The following CNBD1 variants were observed in gnomAD, a reference collection of about 807,000 sequenced individuals.
CNBD1 encodes the protein cyclic nucleotide binding domain containing 1.
CNBD1 carries 71 observed loss-of-function variants against 54.4 expected under a neutral mutation model. The ratio of observed to expected loss-of-function variants is 1.30; its 90% CI spans 1.08 to 1.59. CNBD1 has a LOEUF of 1.59. Ranked by LOEUF, CNBD1 falls within the 40% of genes most tolerant of loss-of-function variation. The probability of loss-of-function intolerance (pLI) is 0.00; values close to 1 mark genes in which losing one functional copy is unlikely to be tolerated. For missense variants in CNBD1, 659 were observed against 518.0 expected (o/e 1.27, Z -2.64); for synonymous variants, 182 against 170.7 (o/e 1.07, Z -0.51).
At chr8:87,361,696 A>T (rs1810526994) in intron 10 of CNBD1, among the ~76,000 whole-genome samples, 1 of 150,274 alleles carries the variant, frequency 6.7e-6, no homozygotes, top group Non-Finnish European at 1.5e-5. Flanking sequence ...ATGAATATAT[A>T]TATATATATA....
intron 4 of CNBD1, among the ~76,000 whole-genome samples, chr8:87,127,662 G>A (rs529280261): frequency 6.6e-6 from 1 of 152,078 alleles, no homozygotes; most frequent in East Asian, 1.9e-4. Context: ...TTATGTCTTA[G>A]CTAGAACCTC....
intron 8 of CNBD1, among the ~76,000 whole-genome samples, chr8:87,332,475 A>G (rs7840020): frequency 0.17 from 25,141 of 152,042 alleles, 2,935 homozygotes; most frequent in African/African-American, 0.34. Context: ...CCTGAATGGT[A>G]TTGCCTAGGT....
At chr8:87,180,818 T>A (rs1813296726) in intron 4 of CNBD1, among the ~76,000 whole-genome samples, 1 of 152,164 alleles carries the variant, frequency 6.6e-6, no homozygotes, top group South Asian at 2.1e-4. Flanking sequence ...GGGAAGGAAG[T>A]TAGGATATAA....
At chr8:87,426,225 C>T (rs1215275236) in intron 2 of CNBD1, among the ~76,000 whole-genome samples, 3 of 152,206 alleles carry the variant, frequency 2.0e-5, no homozygotes, top group African/African-American at 7.2e-5. Context: ...GTCTGGCACT[C>T]CCTAGTGAGA....
chr8:86,916,735 AC>A (rs1459861403), intron 3 of CNBD1, among the ~76,000 whole-genome samples: 1 of 150,946 alleles, frequency 6.6e-6, no homozygotes, highest in East Asian at 1.9e-4. Flanking sequence ...ATAGAATCTC[AC>A]TCTGTCACCC....
chr8:87,329,137 A>T (rs532899517), intron 8 of CNBD1, among the ~76,000 whole-genome samples: 2 of 151,932 alleles, frequency 1.3e-5, no homozygotes, highest in Non-Finnish European at 2.9e-5. Context: ...GCTCTTTTGC[A>T]TGTGGATGTG....
intron 5 of CNBD1, among the ~76,000 whole-genome samples, chr8:87,226,766 C>T (rs541289945): frequency 1.3e-5 from 2 of 151,712 alleles, no homozygotes; most frequent in South Asian, 2.1e-4. Flanking sequence ...CCGCTTGGTG[C>T]AGAGCTGAGT....
At chr8:87,026,315 T>A (rs1049085900) in intron 4 of CNBD1, among the ~76,000 whole-genome samples, 3 of 151,918 alleles carry the variant, frequency 2.0e-5, no homozygotes, top group Non-Finnish European at 4.4e-5. Context: ...TCCTCCCTGC[T>A]CCTTTCTTCC....
In CNBD1 at chr8:87,382,552, T is replaced by C. The variant is rs1167590809; in HGVS notation, c.1304-68T>C. 3.1e-6 allele frequency: 4 copies of C among 1,300,476 alleles called. No homozygotes were observed. In the East Asian group the frequency reaches 1.0e-4, roughly 33 times the overall value. 80.6% of individuals were successfully genotyped at this position (1,300,476 alleles called of 1,614,324 possible). On this transcript the variant is annotated intron_variant, in intron 10 of 10. Transcript: ENST00000518476. ...AATGTAATTTTAGGGTTCTATTCTG[T>C]AGGAAAATAATTACCAAAAATGAGT...
intron 4 of CNBD1, among the ~76,000 whole-genome samples, chr8:87,173,938 T>C (rs933175687): frequency 2.0e-5 from 3 of 151,564 alleles, no homozygotes; most frequent in African/African-American, 7.3e-5. Context: ...GTAGGCATGC[T>C]TGTTTCTTTT....
intron 2 of CNBD1, among the ~76,000 whole-genome samples, chr8:87,404,076 C>T (rs1807613041): frequency 6.6e-6 from 1 of 151,946 alleles, no homozygotes; most frequent in Non-Finnish European, 1.5e-5. Flanking sequence ...AGAGAACTAT[C>T]TGATGAAAGG....
At position 87,376,377 on chromosome 8, in the gene CNBD1, G is replaced by C. The variant is rs189738164; in HGVS notation, c.1304-6243G>C. Among the ~76,000 whole-genome samples the C allele has an allele frequency of 7.9e-5, 12 of 151,878 alleles. No homozygotes were observed. In the Admixed American group the frequency reaches 7.9e-4, roughly 10 times the overall value. ...AAGGGTACTAATTCCTAAGGGCTCGGCCCTCAGCACCTAATTACTTGCCAG... is the reference window on the plus strand; with the variant it reads ...AAGGGTACTAATTCCTAAGGGCTCGCCCCTCAGCACCTAATTACTTGCCAG... On this transcript the variant is annotated intron_variant, in intron 10 of 10. Coordinates refer to ENST00000518476, the MANE Select transcript of CNBD1 (RefSeq NM_173538.3).
In CNBD1 at chr8:87,014,355, T is replaced by C. The variant is rs1303155798; in HGVS notation, c.431+74601T>C. On this transcript the variant is annotated intron_variant, in intron 4 of 10. Transcript: ENST00000518476. ...ACTATAAGATTTGCCATAAGAGTTA[T>C]AAACGATAAAACCCAGCCCAAGACA... Among the ~76,000 whole-genome samples the C allele has an allele frequency of 5.9e-5, 9 of 151,946 alleles. No homozygotes were observed. The South Asian group carries it at 1.2e-3, about 21-fold the overall frequency.
intron 8 of CNBD1, among the ~76,000 whole-genome samples, chr8:87,322,692 T>G (rs1234957522): frequency 2.8e-5 from 2 of 70,972 alleles, no homozygotes; most frequent in Non-Finnish European, 5.9e-5. Context: ...TCATTGTAGA[T>G]TCTGGATATT....
chr8:87,045,105 G>A (rs752826368), intron 4 of CNBD1, among the ~76,000 whole-genome samples: 2 of 152,100 alleles, frequency 1.3e-5, no homozygotes, highest in Non-Finnish European at 2.9e-5. Flanking sequence ...CACCAGCTAG[G>A]GTTTCTTCTG....
intron 2 of CNBD1, among the ~76,000 whole-genome samples, chr8:87,420,794 CGTT>C (rs1276592192): frequency 6.8e-6 from 1 of 147,640 alleles, no homozygotes; most frequent in Non-Finnish European, 1.5e-5. Flanking sequence ...TTTTGACAGT[CGTT>C]GGTATATTTA....
At chr8:86,891,294 T>A (rs76299207) in intron 2 of CNBD1, among the ~76,000 whole-genome samples, 1,541 of 152,218 alleles carry the variant, frequency 0.01, 27 homozygotes, top group African/African-American at 0.034. Flanking sequence ...CTAATTTCAT[T>A]CTTCTGCTGT....
intron 6 of CNBD1, among the ~76,000 whole-genome samples, chr8:87,269,187 C>T (rs1374218331): frequency 6.6e-6 from 1 of 152,036 alleles, no homozygotes; most frequent in Non-Finnish European, 1.5e-5. Flanking sequence ...GCAGTCCTTT[C>T]CCTATAGTTT....
chr8:87,259,688 C>T (rs1808096305), intron 6 of CNBD1, among the ~76,000 whole-genome samples: 1 of 152,042 alleles, frequency 6.6e-6, no homozygotes, highest in South Asian at 2.1e-4. Flanking sequence ...TTTTCATTTG[C>T]CTGTTTTTAA....
Sources: gnomAD v4.1 joint callset for allele counts (sites outside exome capture counted in the v4.1 genomes callset) on GRCh38, gnomAD v4.1.1 for gene constraint, MANE v1.5 for transcripts, NCBI Gene and HGNC (gene_info 2026-07-23, HGNC 2026-07-21) for gene names.